RARB: variants seen among roughly 807,000 people sequenced by gnomAD.
RARB encodes the protein retinoic acid receptor beta.
Under a neutral mutation model 51.9 loss-of-function variants are expected in RARB, and 17 were observed. The observed-to-expected ratio is 0.33, with a 90% CI of 0.22 to 0.49. The LOEUF (loss-of-function observed/expected upper bound fraction) is 0.49, where lower values mean the gene tolerates loss of function less well. RARB is among the 20% of genes least tolerant of loss of function. The probability of loss-of-function intolerance (pLI) is 0.99; values close to 1 mark genes in which losing one functional copy is unlikely to be tolerated. For missense variants in RARB, 369 were observed against 550.8 expected, an observed-to-expected ratio of 0.67 and a Z score of 3.30; for synonymous variants, 215 against 195.4, an observed-to-expected ratio of 1.10 and a Z score of -0.84.
intron 5 of RARB, among the ~76,000 whole-genome samples, chr3:25,249,575 A>T (rs1702652935): frequency 1.3e-5 from 2 of 148,900 alleles, no homozygotes; most frequent in Non-Finnish European, 1.5e-5. Flanking sequence ...AATTTTTTTT[A>T]ATTTGCTTTT....
intron 3 of RARB, among the ~76,000 whole-genome samples, chr3:25,559,035 C>T (rs1486250100): frequency 6.6e-6 from 1 of 152,136 alleles, no homozygotes; most frequent in Admixed American, 6.6e-5. Flanking sequence ...GAAGTATTTT[C>T]TCATATCTCC....
chr3:25,198,132 G>T (rs1395780745), intron 5 of RARB, among the ~76,000 whole-genome samples: 1 of 151,932 alleles, frequency 6.6e-6, no homozygotes, highest in Non-Finnish European at 1.5e-5. Context: ...CATCTACAGT[G>T]AAATCATATT....
At chr3:24,964,830 T>C (rs188322885) in intron 2 of RARB, among the ~76,000 whole-genome samples, 1 of 152,298 alleles carries the variant, frequency 6.6e-6, no homozygotes, top group African/African-American at 2.4e-5. Context: ...CTGTTCTCCC[T>C]CAAGGGAGTT....
intron 2 of RARB, among the ~76,000 whole-genome samples, chr3:25,023,147 C>T (rs989895799): frequency 4.6e-5 from 7 of 152,124 alleles, no homozygotes; most frequent in East Asian, 1.9e-4. Flanking sequence ...GCTACTTGGC[C>T]TGCCTGGGTC....
intron 1 of RARB, among the ~76,000 whole-genome samples, chr3:25,446,489 T>C (rs1467530484): frequency 6.6e-6 from 1 of 152,122 alleles, no homozygotes; most frequent in Non-Finnish European, 1.5e-5. Flanking sequence ...ATTTACAAAA[T>C]TTGCAGACCC....
intron 3 of RARB, among the ~76,000 whole-genome samples, chr3:25,554,069 G>A (rs572983509): frequency 1.6e-3 from 249 of 151,688 alleles, no homozygotes; most frequent in African/African-American, 4.7e-3. Context: ...TGAGGAATGT[G>A]TGTGTCTACC....
At chr3:25,250,111 A>G (rs1702674570) in intron 5 of RARB, among the ~76,000 whole-genome samples, 1 of 152,016 alleles carries the variant, frequency 6.6e-6, no homozygotes, top group South Asian at 2.1e-4. Context: ...GACAGGATGA[A>G]CAGATCAGTA....
At chr3:25,227,756 T>C (rs1308966175) in intron 5 of RARB, among the ~76,000 whole-genome samples, 1 of 152,160 alleles carries the variant, frequency 6.6e-6, no homozygotes, top group Non-Finnish European at 1.5e-5. Context: ...GGAACCAGTC[T>C]CAGTGACCAT....
At chr3:25,467,822 ACTAAGTTTCAGG>A (rs574704309) in intron 2 of RARB, among the ~76,000 whole-genome samples, 52 of 152,328 alleles carry the variant, frequency 3.4e-4, no homozygotes, top group African/African-American at 1.1e-3. Flanking sequence ...TTGAACACCT[ACTAAGTTTCAGG>A]CCCTATGCCG....
intron 2 of RARB, among the ~76,000 whole-genome samples, chr3:25,018,860 T>G (rs551257872): frequency 1.4e-4 from 22 of 152,224 alleles, no homozygotes; most frequent in Middle Eastern, 3.4e-3. Flanking sequence ...TAAGAAACTT[T>G]CGTAAGCACC....
intron 5 of RARB, among the ~76,000 whole-genome samples, chr3:25,241,511 T>C (rs1453179708): frequency 1.3e-5 from 2 of 152,166 alleles, no homozygotes; most frequent in African/African-American, 4.8e-5. Flanking sequence ...TTCCCCTCCC[T>C]GTGCCCGTAT....
intron 2 of RARB, among the ~76,000 whole-genome samples, chr3:24,989,473 A>G (rs1402132326): frequency 2.2e-5 from 1 of 44,638 alleles, no homozygotes; most frequent in African/African-American, 9.4e-5. Flanking sequence ...TCGAGTTTCC[A>G]CTTCCCTACA....
chr3:25,226,550 G>T (rs1414982606), intron 5 of RARB, among the ~76,000 whole-genome samples: 1 of 152,110 alleles, frequency 6.6e-6, no homozygotes, highest in Non-Finnish European at 1.5e-5. Context: ...CAATCCTAAT[G>T]TCTTAATATA....
chr3:25,464,164 CTGAGTGAGGTA>C (rs1037943826), intron 2 of RARB, among the ~76,000 whole-genome samples: 1 of 152,106 alleles, frequency 6.6e-6, no homozygotes, highest in Non-Finnish European at 1.5e-5. Flanking sequence ...GTCCAGAAAT[CTGAGTGAGGTA>C]TGCTGTAACT....
At chr3:25,008,141 C>G (rs1160197164) in intron 2 of RARB, among the ~76,000 whole-genome samples, 1 of 152,126 alleles carries the variant, frequency 6.6e-6, no homozygotes, top group African/African-American at 2.4e-5. Context: ...TCTTGGCCTA[C>G]AAGCTGATGT....
intron 4 of RARB, among the ~76,000 whole-genome samples, chr3:25,159,529 C>T (rs770888411): frequency 2.0e-5 from 3 of 151,986 alleles, no homozygotes; most frequent in Non-Finnish European, 4.4e-5. Context: ...GAGCCACATA[C>T]TATGACTGTC....
chr3:25,049,582 A>G (rs1435518122), intron 2 of RARB, among the ~76,000 whole-genome samples: 2 of 152,264 alleles, frequency 1.3e-5, no homozygotes, highest in African/African-American at 2.4e-5. Flanking sequence ...CTGTAGATGT[A>G]TATGTCTATA....
chr3:25,249,982 G>C (rs116274081), intron 5 of RARB, among the ~76,000 whole-genome samples: 1,372 of 79,140 alleles, frequency 0.017, 25 homozygotes, highest in African/African-American at 0.11. Flanking sequence ...TGGTGGGCTC[G>C]GTGGGTGGGA....
chr3:25,282,537 T>G (rs934979343), intron 5 of RARB, among the ~76,000 whole-genome samples: 3 of 152,208 alleles, frequency 2.0e-5, no homozygotes, highest in Non-Finnish European at 4.4e-5. Context: ...CATAGTAGAA[T>G]CTAAGCTCCA....
Sources: allele counts gnomAD v4.1 joint callset (sites outside exome capture counted in the v4.1 genomes callset), GRCh38; gene constraint gnomAD v4.1.1; transcripts MANE v1.5; gene names NCBI Gene and HGNC (gene_info 2026-07-23, HGNC 2026-07-21).